The following SNTB1 variants were observed in gnomAD, a reference collection of about 807,000 sequenced individuals.
SNTB1 encodes the protein syntrophin beta 1.
A neutral mutation model predicts 48.9 loss-of-function variants in SNTB1; 36 were observed. The observed-to-expected ratio is 0.74, with a 90% CI of 0.56 to 0.97. The LOEUF (loss-of-function observed/expected upper bound fraction) is 0.97. Ranked by LOEUF, SNTB1 falls within the 50% of genes least tolerant of loss-of-function variation. SNTB1 has a pLI of 0.00. For missense variants in SNTB1, 786 were observed against 703.4 expected, an observed-to-expected ratio of 1.12 and a Z score of -1.33; for synonymous variants, 299 against 294.6, an observed-to-expected ratio of 1.01 and a Z score of -0.15.
chr8:120,687,535 T>A (rs4871096), intron 2 of SNTB1, among the ~76,000 whole-genome samples: 1 of 151,704 alleles, frequency 6.6e-6, no homozygotes, highest in African/African-American at 2.4e-5. Context: ...GAAAGGAGGG[T>A]TTTCAGCTTA....
chr8:120,751,287 T>TA (rs1300771502), intron 1 of SNTB1, among the ~76,000 whole-genome samples: 1 of 152,126 alleles, frequency 6.6e-6, no homozygotes, highest in Non-Finnish European at 1.5e-5. Flanking sequence ...AGATGACACC[T>TA]AAAAAAACTA....
intron 1 of SNTB1, among the ~76,000 whole-genome samples, chr8:120,736,432 A>T (rs991251841): frequency 6.6e-6 from 1 of 152,190 alleles, no homozygotes; most frequent in Admixed American, 6.5e-5. Context: ...AAGAGAACTA[A>T]AAGTATGGCA....
chr8:120,684,143 C>T (rs185751486), intron 2 of SNTB1, among the ~76,000 whole-genome samples: 3 of 152,222 alleles, frequency 2.0e-5, no homozygotes, highest in Admixed American at 2.0e-4. Context: ...GCAGGAGGGG[C>T]ACATAGGCAC....
At chr8:120,597,712 A>G (rs912655650) in intron 3 of SNTB1, among the ~76,000 whole-genome samples, 2 of 152,256 alleles carry the variant, frequency 1.3e-5, no homozygotes, top group African/African-American at 2.4e-5. Context: ...GGCGGAGCCA[A>G]TGAATTTGCT....
At chr8:120,543,559 C>G (rs1183769401) in intron 5 of SNTB1, among the ~76,000 whole-genome samples, 1 of 152,132 alleles carries the variant, frequency 6.6e-6, no homozygotes, top group East Asian at 1.9e-4. Context: ...ATTCTTTCCA[C>G]TCTGTCCTGT....
At chr8:120,770,821 A>T (rs113624317) in intron 1 of SNTB1, among the ~76,000 whole-genome samples, 1 of 152,288 alleles carries the variant, frequency 6.6e-6, no homozygotes, top group Non-Finnish European at 1.5e-5. Context: ...CTCAAAAAAA[A>T]ATTTTTAAAA....
chr8:120,567,151 A>AG (rs1815764019), intron 4 of SNTB1, among the ~76,000 whole-genome samples: 3 of 152,184 alleles, frequency 2.0e-5, no homozygotes, highest in African/African-American at 7.2e-5. Flanking sequence ...ATAAAACCTT[A>AG]ACCTTATGGG....
At chr8:120,605,864 T>G (rs1035518485) in intron 3 of SNTB1, among the ~76,000 whole-genome samples, 2 of 152,104 alleles carry the variant, frequency 1.3e-5, no homozygotes, top group African/African-American at 4.8e-5. Context: ...GGTGCCCCCT[T>G]CTGGGAAAAT....
chr8:120,658,487 T>C (rs1817533551), intron 2 of SNTB1, among the ~76,000 whole-genome samples: 1 of 152,212 alleles, frequency 6.6e-6, no homozygotes, highest in African/African-American at 2.4e-5. Context: ...AAAGTAAATA[T>C]GACCATACAG....
chr8:120,640,900 AG>A (rs954174585), intron 2 of SNTB1, among the ~76,000 whole-genome samples: 2 of 152,178 alleles, frequency 1.3e-5, no homozygotes, highest in African/African-American at 4.8e-5. Context: ...AAAATGAGTT[AG>A]GGAGAATTCC....
chr8:120,549,297 C>T (rs1285712854), intron 4 of SNTB1, among the ~76,000 whole-genome samples: 1 of 152,188 alleles, frequency 6.6e-6, no homozygotes, highest in South Asian at 2.1e-4. Context: ...ATCTATATGT[C>T]CCAGCACAAG....
intron 4 of SNTB1, among the ~76,000 whole-genome samples, chr8:120,551,648 C>T (rs1242088471): frequency 1.3e-5 from 2 of 150,272 alleles, no homozygotes; most frequent in Non-Finnish European, 3.0e-5. Context: ...ATTGCTTGAA[C>T]CCGGGAGGCA....
chr8:120,733,586 A>G (rs996378966), intron 1 of SNTB1, among the ~76,000 whole-genome samples: 3 of 152,258 alleles, frequency 2.0e-5, no homozygotes, highest in African/African-American at 7.2e-5. Flanking sequence ...GGAATGAAGC[A>G]TGAATATTTA....
intron 4 of SNTB1, among the ~76,000 whole-genome samples, chr8:120,569,263 A>T (rs1163446574): frequency 6.6e-6 from 1 of 152,176 alleles, no homozygotes; most frequent in African/African-American, 2.4e-5. Context: ...TACAGGTGTG[A>T]GCTACTGTGC....
At chr8:120,769,439 G>C (rs1365902825) in intron 1 of SNTB1, 1 of 152,170 alleles carries the variant, frequency 6.6e-6, no homozygotes. Flanking sequence ...GCTTTGACCA[G>C]TGGAGCACAT....
chr8:120,722,539 G>A lies in SNTB1; in HGVS notation c.572-28631C>T, dbSNP rs1261957495. 3.9e-5 allele frequency among the ~76,000 whole-genome samples: 6 copies of A among 152,314 alleles called. No individual in the cohort carries two copies. In the East Asian group the frequency reaches 7.7e-4, roughly 20 times the overall value. On this transcript the variant is annotated intron_variant, in intron 1 of 6. Transcript: ENST00000517992. ...TCATGTGTCTTTCGGCTGCATAAATGTCTTCTTTTGAGAAGTGTCTGTTCA... is the reference window on the plus strand; with the variant it reads ...TCATGTGTCTTTCGGCTGCATAAATATCTTCTTTTGAGAAGTGTCTGTTCA...
chr8:120,700,218 T>G (rs1818284162), intron 1 of SNTB1, among the ~76,000 whole-genome samples: 1 of 151,978 alleles, frequency 6.6e-6, no homozygotes, highest in Non-Finnish European at 1.5e-5. Flanking sequence ...TATTTTTATG[T>G]GCTGTGAGAA....
intron 1 of SNTB1, among the ~76,000 whole-genome samples, chr8:120,757,225 C>G (rs1161145315): frequency 2.6e-5 from 4 of 152,070 alleles, no homozygotes; most frequent in African/African-American, 4.8e-5. Flanking sequence ...TCGGGTTTCC[C>G]AAACCTGTTT....
At chr8:120,628,349 A>G (rs919945169) in intron 3 of SNTB1, among the ~76,000 whole-genome samples, 1 of 152,226 alleles carries the variant, frequency 6.6e-6, no homozygotes, top group Non-Finnish European at 1.5e-5. Context: ...GATTAGATGA[A>G]CTAAGAAATA....
Sources: allele counts gnomAD v4.1 joint callset (sites outside exome capture counted in the v4.1 genomes callset), GRCh38; gene constraint gnomAD v4.1.1; transcripts MANE v1.5; gene names NCBI Gene and HGNC (gene_info 2026-07-23, HGNC 2026-07-21).